The following HACE1 variants were observed in gnomAD, a reference collection of about 807,000 sequenced individuals.
HACE1 encodes HECT domain and ankyrin repeat containing E3 ubiquitin protein ligase 1, also known as E3 ubiquitin-protein ligase HACE1.
HACE1 carries 73 observed loss-of-function variants against 118.4 expected under a neutral mutation model. The observed-to-expected ratio is 0.62, with a 90% CI of 0.51 to 0.75. The LOEUF is 0.75. HACE1 is among the 30% of genes least tolerant of loss of function. HACE1 has a pLI of 0.00. For synonymous variants in HACE1, 368 were observed against 374.8 expected, an observed-to-expected ratio of 0.98 and a Z score of 0.21; for missense variants, 749 against 1,102.2, an observed-to-expected ratio of 0.68 and a Z score of 4.54.
chr6:104,849,612 G>C (rs1214987030), intron 3 of HACE1, among the ~76,000 whole-genome samples: 1 of 150,910 alleles, frequency 6.6e-6, no homozygotes, highest in Non-Finnish European at 1.5e-5. Flanking sequence ...CAAAGTGCTG[G>C]GATTACAGGT....
rs1381873381 is a variant in HACE1, at chr6:104,797,008, G to A, written c.635C>T (p.Thr212Ile). The change falls in exon 8 of 24, where the codon ACA becomes ATA. Residue 212 changes from threonine to isoleucine, a missense_variant. This residue lies in a region of HACE1 where 267 missense variants were observed against 312.2 expected (regional missense o/e 0.86). Coordinates refer to ENST00000262903, the MANE Select transcript of HACE1 (RefSeq NM_020771.4). The part of the protein sequence containing the change: ...YFACSHGQRD[T>I]AQILLLRGAK... ...TCCTCGTAATAGTAGGATCTGTGCTGTATCTCTCTGACCATGACTGTGTGG... is the reference window on the plus strand; with the variant it reads ...TCCTCGTAATAGTAGGATCTGTGCTATATCTCTCTGACCATGACTGTGTGG... The A allele has an allele frequency of 6.3e-7, 1 of 1,584,684 alleles. No homozygotes were observed. The highest frequency in any genetic ancestry group is 8.7e-7 in the Non-Finnish European group (1 of 1,153,388).
intron 11 of HACE1, among the ~76,000 whole-genome samples, chr6:104,789,277 TTAA>T (rs1403874644): frequency 6.6e-6 from 1 of 152,154 alleles, no homozygotes; most frequent in Admixed American, 6.5e-5. Flanking sequence ...TTAATACTTA[TTAA>T]TGTGTTTAAA....
At chr6:104,796,015 CAT>C (rs1044432440) in intron 9 of HACE1, among the ~76,000 whole-genome samples, 1 of 152,190 alleles carries the variant, frequency 6.6e-6, no homozygotes, top group African/African-American at 2.4e-5. Flanking sequence ...ATCACAAACA[CAT>C]AGCTGAGTAA....
chr6:104,757,854 G>A (rs991281373), intron 19 of HACE1, among the ~76,000 whole-genome samples: 8 of 152,148 alleles, frequency 5.3e-5, no homozygotes, highest in African/African-American at 1.9e-4. Context: ...GAGCTTAAAT[G>A]ACCTGATGGA....
At chr6:104,844,455 T>C (rs1034615354) in intron 4 of HACE1, among the ~76,000 whole-genome samples, 1 of 151,740 alleles carries the variant, frequency 6.6e-6, no homozygotes, top group Admixed American at 6.6e-5. Flanking sequence ...GCAATTCTTC[T>C]GTCTCAGCCT....
intron 5 of HACE1, 97 bp downstream of exon 5, chr6:104,843,126 G>A (rs1250510378): frequency 1.4e-5 from 11 of 768,222 alleles, no homozygotes; most frequent in Non-Finnish European, 2.3e-5. Flanking sequence ...AAAGTAACTT[G>A]CAGAAACACT....
At chr6:104,856,727 G>A (rs929132167) in intron 1 of HACE1, among the ~76,000 whole-genome samples, 8 of 152,044 alleles carry the variant, frequency 5.3e-5, no homozygotes, top group African/African-American at 1.4e-4. Context: ...GAGCCACTGC[G>A]CCCGGCCTCC....
chr6:104,772,799 A>T (rs1239809600), intron 17 of HACE1, among the ~76,000 whole-genome samples: 5 of 152,216 alleles, frequency 3.3e-5, no homozygotes, highest in South Asian at 2.1e-4. Context: ...AATATCTAGA[A>T]TAGGCAAATT....
rs184652395 is a variant in HACE1, at chr6:104,807,236, A to T, written c.617+4075T>A. Among the ~76,000 whole-genome samples the T allele has an allele frequency of 2.3e-3, 351 of 151,986 alleles. 9 individuals are homozygous for T. The East Asian group carries it at 0.054, about 23-fold the overall frequency. On this transcript the variant is annotated intron_variant, in intron 7 of 23. Coordinates refer to ENST00000262903, the MANE Select transcript of HACE1 (RefSeq NM_020771.4). ...ACGGGGTTTCACCATGTTGGCCAGG[A>T]TGGTCTCAATCTCTTGACCTCGTGA...
At chr6:104,850,854 T>C in intron 3 of HACE1, 53 bp downstream of exon 3, 1 of 1,052,018 alleles carries the variant, frequency 9.5e-7, no homozygotes, top group Admixed American at 1.7e-5. Context: ...TGTTCAAAGC[T>C]TACTGATCCT....
At chr6:104,744,429 A>G (rs1777181296) in intron 21 of HACE1, 83 bp downstream of exon 21, 2 of 874,248 alleles carry the variant, frequency 2.3e-6, no homozygotes, top group East Asian at 4.8e-5. Context: ...TAATTAATGT[A>G]AGTTTTCATC....
chr6:104,818,584 A>G (rs1382438098), intron 6 of HACE1, among the ~76,000 whole-genome samples: 1 of 152,062 alleles, frequency 6.6e-6, no homozygotes, highest in Non-Finnish European at 1.5e-5. Context: ...TACAATAAAA[A>G]AAAATGTCAG....
chr6:104,818,164 A>G (rs1348412356), intron 6 of HACE1, among the ~76,000 whole-genome samples: 3 of 152,204 alleles, frequency 2.0e-5, no homozygotes, highest in Admixed American at 6.5e-5. Flanking sequence ...ATAAAACTAT[A>G]TTATAATCTA....
intron 9 of HACE1, 130 bp from the exon 10 acceptor site, chr6:104,795,815 A>T: frequency 1.5e-6 from 1 of 646,126 alleles, no homozygotes; most frequent in Non-Finnish European, 2.7e-6. Flanking sequence ...TTTGTCTTGC[A>T]TAAGTTTAAA....
intron 19 of HACE1, among the ~76,000 whole-genome samples, chr6:104,758,193 G>C (rs1480856251): frequency 6.6e-6 from 1 of 152,060 alleles, no homozygotes; most frequent in East Asian, 1.9e-4. Context: ...AGGAAATACA[G>C]AGAACACCAC....
At chr6:104,733,077 C>A (rs1190948267) in intron 22 of HACE1, among the ~76,000 whole-genome samples, 1 of 152,118 alleles carries the variant, frequency 6.6e-6, no homozygotes, top group African/African-American at 2.4e-5. Flanking sequence ...AAATTAATAA[C>A]GTGACCAAAC....
chr6:104,776,606 A>C, intron 17 of HACE1, 135 bp downstream of exon 17: 1 of 686,686 alleles, frequency 1.5e-6, no homozygotes. Context: ...TCTGAATTTC[A>C]GTTTTCTCAT....
chr6:104,776,654 G>T (rs1562345044), intron 17 of HACE1, 87 bp downstream of exon 17: 2 of 839,102 alleles, frequency 2.4e-6, no homozygotes, highest in Non-Finnish European at 2.1e-6. Flanking sequence ...TCACAGGTCT[G>T]CTGTGGAAAT....
chr6:104,756,411 CAAAAA>C (rs149270056), intron 19 of HACE1, among the ~76,000 whole-genome samples: 6 of 103,450 alleles, frequency 5.8e-5, no homozygotes, highest in African/African-American at 2.2e-4. Context: ...GATTCCATCT[CAAAAA>C]AAAAAAAAAA....
Sources: gnomAD v4.1 joint callset for allele counts (sites outside exome capture counted in the v4.1 genomes callset) on GRCh38, gnomAD v4.1.1 for gene constraint, gnomAD v4.1.1 regional missense constraint, MANE v1.5 for transcripts, NCBI Gene and HGNC (gene_info 2026-07-23, HGNC 2026-07-21) for gene names.